Variants in L3MBTL1 observed in about 807,000 individuals in gnomAD.
L3MBTL1 encodes the protein L3MBTL histone methyl-lysine binding protein 1, also known as lethal(3)malignant brain tumor-like protein 1.
L3MBTL1 carries 75 observed loss-of-function variants against 105.3 expected under a neutral mutation model. That is an observed-to-expected ratio of 0.71 (90% CI 0.59 to 0.86). L3MBTL1 has a LOEUF of 0.86. Among genes scored for constraint, L3MBTL1 ranks in the 40% least tolerant of loss-of-function variants. L3MBTL1 has a pLI of 0.00. For synonymous variants in L3MBTL1, 452 were observed against 436.2 expected (o/e 1.04, Z -0.45); for missense variants, 1,069 against 1,126.4 (o/e 0.95, Z 0.73).
chr20:43,516,818 G>A (rs957754958), intron 7 of L3MBTL1, among the ~76,000 whole-genome samples: 12 of 151,358 alleles, frequency 7.9e-5, no homozygotes, highest in Non-Finnish European at 1.5e-4. Context: ...GAGGGTGACC[G>A]GGTCTTGCTC....
rs780494945 is a variant in L3MBTL1, at chr20:43,533,371, C to G, written c.1466C>G (p.Pro489Arg). 2.5e-6 allele frequency: 4 copies of G among 1,613,956 alleles called. 1 individual carries two copies. The South Asian group carries it at 4.4e-5, about 18-fold the overall frequency. The change falls in exon 13 of 22, where the codon CCA becomes CGA. Residue 489 changes from proline to arginine, a missense_variant. Transcript: ENST00000418998. Reference sequence around the variant, plus strand: ...GATCCCAGCAGCCCCTACATCCACCCAGTGGGCTGGTGCCAGAAGCAAGGA... The same window carrying G: ...GATCCCAGCAGCCCCTACATCCACCGAGTGGGCTGGTGCCAGAAGCAAGGA... Reference protein sequence around the residue: ...WCDPSSPYIHPVGWCQKQGKP... With the variant: ...WCDPSSPYIHRVGWCQKQGKP...
At chr20:43,509,924 C>T (rs145314223) in intron 1 of L3MBTL1, among the ~76,000 whole-genome samples, 11 of 152,258 alleles carry the variant, frequency 7.2e-5, no homozygotes, top group East Asian at 3.9e-4. Context: ...AGTGCAGTGG[C>T]GCGATCTTGG....
At chr20:43,519,600 C>T (rs1019145395) in intron 7 of L3MBTL1, among the ~76,000 whole-genome samples, 11 of 152,212 alleles carry the variant, frequency 7.2e-5, no homozygotes, top group African/African-American at 2.7e-4. Context: ...CGTGCCATTG[C>T]ACTCCAGCCT....
In L3MBTL1 at chr20:43,534,916, C is replaced by G. The variant is rs1479965733; in HGVS notation, c.1799C>G (p.Thr600Arg). The change falls in exon 16 of 22, where the codon ACA (threonine) becomes AGA (arginine). Residue 600 changes from threonine to arginine, a missense_variant. Physicochemically the swap from Thr to Arg is moderately conservative, Grantham distance 71. Transcript: ENST00000418998. ...DIHPAGWCSK[T>R]GHPLQPPLGP... ...CACCCTGCCGGCTGGTGCTCCAAGA[C>G]AGGACATCCCCTGCAGCCTCCTCTC... The G allele has an allele frequency of 2.5e-6, 4 of 1,607,222 alleles. No homozygotes were observed. Among genetic ancestry groups the G allele is most frequent in the African/African-American group, 1.3e-5 (1 of 74,498 alleles).
intron 8 of L3MBTL1, 42 bp from the exon 9 acceptor site, chr20:43,529,222 G>A: frequency 1.3e-6 from 2 of 1,490,782 alleles, no homozygotes; most frequent in Non-Finnish European, 1.8e-6. Context: ...CAAGGATAAG[G>A]CTGGATGGAA....
chr20:43,509,736 G>A (rs2018082417), intron 1 of L3MBTL1, among the ~76,000 whole-genome samples: 3 of 152,210 alleles, frequency 2.0e-5, no homozygotes, highest in South Asian at 4.1e-4. Context: ...AAACAGAAAC[G>A]TAGTCTTCAA....
intron 1 of L3MBTL1, 31 bp from the exon 2 acceptor site, chr20:43,513,445 G>C: frequency 6.5e-7 from 1 of 1,531,440 alleles, no homozygotes; most frequent in South Asian, 1.2e-5. Context: ...GTCCCCACCT[G>C]ATCACCCTGG....
In L3MBTL1 at chr20:43,532,915, A is replaced by G. The variant is rs201841566; in HGVS notation, c.1427A>G (p.Tyr476Cys). 8.1e-6 allele frequency: 13 copies of G among 1,613,924 alleles called. No homozygotes were observed. Among genetic ancestry groups the G allele is most frequent in the Non-Finnish European group, 1.1e-5 (13 of 1,180,000 alleles). Residue 476 changes from tyrosine (Y) to cysteine (C), a missense_variant, in exon 12 of 22, where the codon TAT (tyrosine) becomes TGT (cysteine). Tyr to Cys is a radical substitution (Grantham distance 194, BLOSUM62 -2). Coordinates refer to ENST00000418998, the MANE Select transcript of L3MBTL1 (RefSeq NM_001377303.1). The stretch of plus-strand genomic sequence containing the variant: ...CACTTTGACAACTGGGATGATACTT[A>G]TGACTACTGGTAGTAGGAGGGCCCA... ...LVHFDNWDDT[Y>C]DYWCDPSSPY...
chr20:43,529,166 G>A (rs778282903), intron 8 of L3MBTL1, 98 bp from the exon 9 acceptor site: 12 of 802,844 alleles, frequency 1.5e-5, no homozygotes, highest in Non-Finnish European at 2.3e-5. Flanking sequence ...GGAAATACCA[G>A]GCGGGTGGGG....
intron 6 of L3MBTL1, 163 bp downstream of exon 6, chr20:43,515,578 T>C (rs1384817477): frequency 2.5e-6 from 2 of 799,028 alleles, no homozygotes; most frequent in Non-Finnish European, 3.9e-6. Flanking sequence ...GTCCTATACC[T>C]GGTTAAAGGG....
chr20:43,511,390 C>A (rs2018130972), intron 1 of L3MBTL1, among the ~76,000 whole-genome samples: 3 of 152,110 alleles, frequency 2.0e-5, no homozygotes, highest in Admixed American at 2.0e-4. Flanking sequence ...AATTGAAGAT[C>A]ACTATTGATT....
intron 6 of L3MBTL1, 56 bp from the exon 7 acceptor site, chr20:43,516,037 G>C: frequency 1.5e-6 from 2 of 1,363,636 alleles, no homozygotes; most frequent in East Asian, 2.3e-5. Context: ...TCAGACCCTA[G>C]GGCTTCATCC....
chr20:43,535,911 A>C lies in L3MBTL1; in HGVS notation c.1900A>C (p.Thr634Pro), dbSNP rs1181926228. 6.2e-7 allele frequency: 1 copy of C among 1,613,106 alleles called. No homozygotes were observed. Among genetic ancestry groups the C allele is most frequent in the Non-Finnish European group, 8.5e-7 (1 of 1,179,636 alleles). The change falls in exon 17 of 22, where the codon ACC (threonine) becomes CCC (proline). Residue 634 changes from threonine to proline, a missense_variant. Thr to Pro is a conservative substitution (Grantham distance 38). Transcript: ENST00000418998. ...CTATAGGAGCCTGCCCCACACTAGG[A>C]CCTCCAAATACAGCTTTCACCACCG... The part of the protein sequence containing the change: ...LSYRSLPHTR[T>P]SKYSFHHRKC...
Position 43,541,831 on chromosome 20 carries a change from A to G in L3MBTL1, c.*703A>G, listed in dbSNP as rs1015671414. 3 of 985,030 alleles carry G rather than the reference A, an allele frequency of 3.0e-6. No homozygotes were observed. The highest frequency in any genetic ancestry group is 3.6e-6 in the Non-Finnish European group (3 of 829,644). 61.0% of individuals were successfully genotyped at this position (985,030 alleles called of 1,614,324 possible). ...TATTATGGAGGAATATGTAGATCCAATCACTTTACCTATACAAAATGACTG... is the reference window on the plus strand; with the variant it reads ...TATTATGGAGGAATATGTAGATCCAGTCACTTTACCTATACAAAATGACTG... On this transcript the variant is annotated 3_prime_UTR_variant, in exon 22 of 22. Coordinates refer to ENST00000418998, the MANE Select transcript of L3MBTL1 (RefSeq NM_001377303.1).
chr20:43,516,320 A>G, intron 7 of L3MBTL1, 143 bp downstream of exon 7: 1 of 643,376 alleles, frequency 1.6e-6, no homozygotes, highest in Non-Finnish European at 2.8e-6. Context: ...AAAGAGAGAG[A>G]GACAGTGAGA....
rs1429682702 is a variant in L3MBTL1 at position 43,514,046 on chromosome 20, A to C, written c.345A>C (p.Pro115=). 1 of 1,533,804 alleles carries C rather than the reference A, an allele frequency of 6.5e-7. No homozygotes were observed. Among genetic ancestry groups the C allele is most frequent in the Non-Finnish European group, 8.7e-7 (1 of 1,145,816 alleles). The change falls in exon 3 of 22, where the codon CCA becomes CCC. Residue 115 remains proline (P), a synonymous_variant. Coordinates refer to ENST00000418998, the MANE Select transcript of L3MBTL1 (RefSeq NM_001377303.1). ...GGACAGAGGCCGCGGCCCCGCCCCC[A>C]GGGGGCGGCCTGCGGGTCAGTGTCT... ...LEWTEAAAPP[P]GGGLRFRISE...
At chr20:43,538,067 C>T (rs2019720661) in intron 19 of L3MBTL1, among the ~76,000 whole-genome samples, 1 of 152,196 alleles carries the variant, frequency 6.6e-6, no homozygotes, top group East Asian at 1.9e-4. Flanking sequence ...GCCTCACTTC[C>T]TCTTGCTGTC....
rs200368697 is a variant in L3MBTL1, at chr20:43,515,164, G to C, written c.653+5G>C. 1.4e-4 allele frequency: 226 copies of C among 1,614,164 alleles called. No homozygotes were observed. Among genetic ancestry groups the C allele is most frequent in the Admixed American group, 8.3e-4 (50 of 60,024 alleles). ...CCCTCAGCTGTTCCAGGAGCGGTAA[G>C]GGGAGGAGGTCGCAGCCCTACTTGC... is the stretch of plus-strand genomic sequence containing the variant. On this transcript the variant is annotated splice_donor_5th_base_variant and intron_variant, in intron 5 of 21. Transcript: ENST00000418998.
chr20:43,523,882 C>T (rs1397389281), intron 7 of L3MBTL1, among the ~76,000 whole-genome samples: 1 of 151,504 alleles, frequency 6.6e-6, no homozygotes, highest in Non-Finnish European at 1.5e-5. Flanking sequence ...GTAATCCCAG[C>T]TACTCGGGAG....
Sources: allele counts gnomAD v4.1 joint callset (sites outside exome capture counted in the v4.1 genomes callset), GRCh38; gene constraint gnomAD v4.1.1; transcripts MANE v1.5; gene names NCBI Gene and HGNC (gene_info 2026-07-23, HGNC 2026-07-21).